The following ESCO2 variants were observed in gnomAD, a reference collection of about 807,000 sequenced individuals.
The protein encoded by ESCO2 is N-acetyltransferase ESCO2.
A neutral mutation model predicts 61.7 loss-of-function variants in ESCO2; 51 were observed. That is an observed-to-expected ratio of 0.83 (90% CI 0.66 to 1.04). ESCO2 has a LOEUF of 1.04. Among genes scored for constraint, ESCO2 ranks in the 50% least tolerant of loss-of-function variants. The pLI is 0.00. For synonymous variants in ESCO2, 230 were observed against 238.2 expected, an observed-to-expected ratio of 0.97 and a Z score of 0.32; for missense variants, 692 against 686.2, an observed-to-expected ratio of 1.01 and a Z score of -0.09.
Position 27,776,423 on chromosome 8 carries a change from A to C in ESCO2, c.115A>C (p.Asn39His), listed in dbSNP as rs757311499. The C allele has an allele frequency of 6.2e-7, 1 of 1,607,610 alleles. No individual in the cohort carries two copies. The highest frequency in any genetic ancestry group is 8.5e-7 in the Non-Finnish European group (1 of 1,178,056). ...SPNKKHCFYQ[N>H]SDKNEENLHC... Reference sequence around the variant, plus strand: ...TAATAAAAAGCACTGTTTTTATCAAAACAGTGATAAAAATGAAGAAAACCT... The same window carrying C: ...TAATAAAAAGCACTGTTTTTATCAACACAGTGATAAAAATGAAGAAAACCT... The change falls in exon 3 of 11, where the codon AAC (asparagine) becomes CAC (histidine). Residue 39 changes from asparagine (N) to histidine (H), a missense_variant. Transcript: ENST00000305188.
rs1462682082 is a variant in ESCO2 at position 27,805,090 on chromosome 8, G to A, written c.*1652G>A. The A allele has an allele frequency of 8.9e-6, 1 of 112,106 alleles. No homozygotes were observed. Among genetic ancestry groups the A allele is most frequent in the Non-Finnish European group, 1.8e-5 (1 of 56,974 alleles). 6.9% of individuals were successfully genotyped at this position (112,106 alleles called of 1,614,324 possible). A position where few individuals can be genotyped will look rare whatever the true frequency, so the allele number is the denominator to read the frequency against. On this transcript the variant is annotated 3_prime_UTR_variant, in exon 11 of 11. Transcript: ENST00000305188. ...GAGGTCAGGAGATCGAGACCATCCT[G>A]GCTAACAAGGTGAAACCCCGTCTCT...
At chr8:27,795,175 GTAGA>G (rs1285208951) in intron 9 of ESCO2, among the ~76,000 whole-genome samples, 1 of 152,104 alleles carries the variant, frequency 6.6e-6, no homozygotes, top group Non-Finnish European at 1.5e-5. Flanking sequence ...TTCCATTTAT[GTAGA>G]TATTCTTCAT....
intron 9 of ESCO2, among the ~76,000 whole-genome samples, chr8:27,798,923 A>G (rs970992785): frequency 2.6e-5 from 4 of 152,170 alleles, no homozygotes; most frequent in East Asian, 1.9e-4. Context: ...TGGTGACTCA[A>G]TAGTTCTGCA....
intron 10 of ESCO2, among the ~76,000 whole-genome samples, chr8:27,800,725 A>T (rs1483991821): frequency 6.6e-6 from 1 of 152,250 alleles, no homozygotes. Context: ...GATAAATGTG[A>T]TATATCGATA....
At chr8:27,819,603 T>C in the ESCO2 span, among the ~76,000 whole-genome samples, 1 of 152,204 alleles carries the variant, frequency 6.6e-6, no homozygotes, top group East Asian at 1.9e-4. Flanking sequence ...TAATTCGAAG[T>C]TTTTTTGTGT....
intron 9 of ESCO2, among the ~76,000 whole-genome samples, chr8:27,795,982 T>G (rs1327706960): frequency 9.0e-6 from 1 of 111,350 alleles, no homozygotes; most frequent in Non-Finnish European, 1.8e-5. Context: ...TTTGGAGGTA[T>G]TCTTCAGTTT....
downstream of ESCO2, among the ~76,000 whole-genome samples, chr8:27,806,774 G>A (rs538855516): frequency 3.9e-5 from 6 of 152,086 alleles, no homozygotes; most frequent in Middle Eastern, 3.4e-3. Flanking sequence ...ATGCCACCAC[G>A]CCCAGCTAAT....
At chr8:27,773,327 C>G (rs539655333), upstream of ESCO2, among the ~76,000 whole-genome samples, 1 of 152,358 alleles carries the variant, frequency 6.6e-6, no homozygotes, top group Admixed American at 6.5e-5. Flanking sequence ...TAGCCAATCA[C>G]TGATGCTTGT....
At chr8:27,787,453 T>C (rs1338789995) in intron 5 of ESCO2, among the ~76,000 whole-genome samples, 2 of 152,118 alleles carry the variant, frequency 1.3e-5, no homozygotes, top group African/African-American at 2.4e-5. Context: ...TGATTTCCTG[T>C]GGATCTGTGA....
chr8:27,783,923 T>C, intron 4 of ESCO2, 77 bp from the exon 5 acceptor site: 2 of 1,310,590 alleles, frequency 1.5e-6, no homozygotes, highest in African/African-American at 1.5e-5. Flanking sequence ...TTTTGTCTTA[T>C]TAACCTTTGA....
At chr8:27,782,320 G>A (rs909039361) in intron 4 of ESCO2, among the ~76,000 whole-genome samples, 1 of 152,126 alleles carries the variant, frequency 6.6e-6, no homozygotes, top group Non-Finnish European at 1.5e-5. Context: ...GGAGTGCAAT[G>A]GCGTAATCTC....
In ESCO2 at chr8:27,787,987, A is replaced by G; in HGVS notation, c.1116A>G (p.Lys372=). The stretch of plus-strand genomic sequence containing the variant: ...CCAGAGATACAAGTAAAAAAACAAA[A>G]GACCAGCTCATCATCGTGAGTAAAT... The part of the protein sequence containing the change: ...TNTRDTSKKT[K]DQLIIDAGQK... Residue 372 remains lysine, a synonymous_variant, in exon 6 of 11, where the codon AAA becomes AAG. Transcript: ENST00000305188. 1 of 1,611,588 alleles carries G rather than the reference A, an allele frequency of 6.2e-7. No homozygotes were observed.
chr8:27,780,922 C>CAGTG (rs1386945697), intron 4 of ESCO2, among the ~76,000 whole-genome samples: 3 of 151,926 alleles, frequency 2.0e-5, no homozygotes, highest in Non-Finnish European at 2.9e-5. Flanking sequence ...GAATATAAGG[C>CAGTG]AGTGCTAAAT....
At chr8:27,802,674 A>ATATATATATATATG (rs1563482499) in intron 10 of ESCO2, among the ~76,000 whole-genome samples, 1 of 122,662 alleles carries the variant, frequency 8.2e-6, no homozygotes, top group Non-Finnish European at 1.7e-5. Context: ...ATATATATAT[A>ATATATATATATATG]GTTACTGCTT....
At chr8:27,810,406 A>ATGAT (rs746499746), downstream of ESCO2, 1 of 1,605,054 alleles carries the variant, frequency 6.2e-7, no homozygotes, top group East Asian at 2.2e-5. Context: ...ACTTTCTGGT[A>ATGAT]TGATTCATCC....
rs1056159103 is a variant in ESCO2, at chr8:27,778,573, A to C, written c.861+1404A>C. ...AGTTTGGGGCGTAACTCAAGCTAAA[A>C]TTGTCTCAATCCAGTAAAACAAAGG... On this transcript the variant is annotated intron_variant, in intron 3 of 10. Transcript: ENST00000305188. 2 of 152,192 alleles carry C rather than the reference A, an allele frequency of 1.3e-5. 1 individual carries two copies. The highest frequency in any genetic ancestry group is 4.1e-4 in the South Asian group (2 of 4,828). 9.4% of individuals were successfully genotyped at this position (152,192 alleles called of 1,614,324 possible). A position where few individuals can be genotyped will look rare whatever the true frequency, so the allele number is the denominator to read the frequency against.
upstream of ESCO2, chr8:27,774,390 T>A (rs955665201): frequency 6.6e-5 from 10 of 151,962 alleles, no homozygotes; most frequent in African/African-American, 1.9e-4. Context: ...CCTCAGAGAT[T>A]TTTCACCTCA....
chr8:27,776,891 C>T lies in ESCO2; in HGVS notation c.583C>T (p.Leu195=). The T allele has an allele frequency of 6.2e-7, 1 of 1,614,078 alleles. No individual in the cohort carries two copies. The highest frequency in any genetic ancestry group is 1.1e-5 in the South Asian group (1 of 91,072). Residue 195 remains leucine, a synonymous_variant, in exon 3 of 11, where the codon CTG becomes TTG. Coordinates refer to ENST00000305188, the MANE Select transcript of ESCO2 (RefSeq NM_001017420.3). ...AAATAATTCCAATGCTCCTCGGGTT[C>T]TGAGCCAAAAAATAAAACCACAAGT... The part of the protein sequence containing the change: ...AENNSNAPRV[L]SQKIKPQVTL...
At chr8:27,775,452 G>A in intron 1 of ESCO2, 47 bp from the exon 2 acceptor site, 2 of 1,526,898 alleles carry the variant, frequency 1.3e-6, no homozygotes, top group Non-Finnish European at 1.8e-6. Flanking sequence ...TTTTGATAAA[G>A]CGATTTTTAA....
Sources: allele counts gnomAD v4.1 joint callset (sites outside exome capture counted in the v4.1 genomes callset), GRCh38; gene constraint gnomAD v4.1.1; transcripts MANE v1.5; gene names NCBI Gene and HGNC (gene_info 2026-07-23, HGNC 2026-07-21).